The following NHSL1 variants were observed in gnomAD, a reference collection of about 807,000 sequenced individuals.
NHSL1 encodes NHS-like protein 1.
Under a neutral mutation model 95.0 loss-of-function variants are expected in NHSL1, and 48 were observed. The observed-to-expected ratio is 0.51, with a 90% confidence interval of 0.40 to 0.64. NHSL1 has a LOEUF of 0.64. NHSL1 is among the 30% of genes least tolerant of loss of function. The pLI is 0.00. For synonymous variants in NHSL1, 783 were observed against 833.9 expected (o/e 0.94, Z 1.05); for missense variants, 1,971 against 2,077.7 (o/e 0.95, Z 1.00).
upstream of NHSL1, among the ~76,000 whole-genome samples, chr6:138,575,295 G>A (rs756507692): frequency 3.3e-5 from 5 of 152,164 alleles, no homozygotes; most frequent in Non-Finnish European, 7.3e-5. Context: ...AGGTGAATTG[G>A]TATCATTAGT....
chr6:138,506,679 G>T (rs894489614), intron 1 of NHSL1, among the ~76,000 whole-genome samples: 5 of 152,104 alleles, frequency 3.3e-5, no homozygotes, highest in Non-Finnish European at 7.4e-5. Context: ...ATTATCTAAG[G>T]TCATAGAATA....
rs1189763988 is a variant in NHSL1 at position 138,432,232 on chromosome 6, GGA to G, written c.2111_2112del (p.Leu704ProfsTer23). On this transcript the variant is annotated frameshift_variant, in exon 6 of 8. Coordinates refer to ENST00000343505, the MANE Select transcript of NHSL1 (RefSeq NM_001144060.2). LOFTEE classifies it high-confidence loss of function. The surrounding 1 kb of genome is among the most constrained non-coding windows in gnomAD (Gnocchi z 4.4). Reference protein sequence around the residue: ...QVLNESLIATLQHSLQLSLPG... With the variant: ...QVLNESLIATXQHSLQLSLPG... ...GGGAGGCTCAGCTGCAGCGAGTGCT[GGA>G]GTGTGGCGATCAGGCTCTCGTTGAG... 6.5e-7 allele frequency: 1 copy of G among 1,548,922 alleles called. No individual in the cohort carries two copies. Among genetic ancestry groups the G allele is most frequent in the Non-Finnish European group, 8.7e-7 (1 of 1,145,506 alleles).
At chr6:138,569,108 G>T (rs1783723696) in intron 1 of NHSL1, among the ~76,000 whole-genome samples, 1 of 152,198 alleles carries the variant, frequency 6.6e-6, no homozygotes. Flanking sequence ...CTGCTGGAGG[G>T]GAGGGAGAAC....
At chr6:138,450,319 C>T (rs1777146753) in intron 3 of NHSL1, among the ~76,000 whole-genome samples, 1 of 152,190 alleles carries the variant, frequency 6.6e-6, no homozygotes, top group African/African-American at 2.4e-5. Flanking sequence ...TTTCCTGATA[C>T]ATACACATAA....
intron 3 of NHSL1, among the ~76,000 whole-genome samples, chr6:138,448,192 T>C (rs982011663): frequency 2.0e-5 from 3 of 152,210 alleles, no homozygotes; most frequent in African/African-American, 7.2e-5. Flanking sequence ...GAAAGTTGTG[T>C]TGGCGAGCAT....
intron 1 of NHSL1, among the ~76,000 whole-genome samples, chr6:138,608,003 C>A (rs536190995): frequency 1.7e-4 from 26 of 152,350 alleles, no homozygotes; most frequent in African/African-American, 6.3e-4. Flanking sequence ...TCCTAGGATG[C>A]TAACCTTCAA....
At chr6:138,543,154 C>A (rs996146547) in intron 1 of NHSL1, among the ~76,000 whole-genome samples, 2 of 152,066 alleles carry the variant, frequency 1.3e-5, no homozygotes, top group Admixed American at 1.3e-4. Flanking sequence ...ATTTGATTAG[C>A]CATAATTCAC....
Position 138,473,344 on chromosome 6 carries a change from C to T in NHSL1, c.301G>A (p.Asp101Asn). Residue 101 changes from aspartate (D) to asparagine (N), a missense_variant, in exon 3 of 8, where the codon GAT becomes AAT. Asp to Asn is a conservative substitution (Grantham distance 23, BLOSUM62 1). Coordinates refer to ENST00000343505, the MANE Select transcript of NHSL1 (RefSeq NM_001144060.2). ...TCTTCATCTTCATCTTGGTAATCAT[C>T]ACAGAATGGGCTGGCGTTGGCCGCA... ...TFAANASPFCDDYQDEDEETD... is the reference protein window; with the variant it reads ...TFAANASPFCNDYQDEDEETD... 1.9e-6 allele frequency: 3 copies of T among 1,547,960 alleles called. No individual in the cohort carries two copies. The highest frequency in any genetic ancestry group is 1.4e-5 in the African/African-American group (1 of 73,024).
intron 1 of NHSL1, among the ~76,000 whole-genome samples, chr6:138,507,615 G>C (rs1781025523): frequency 6.6e-6 from 1 of 152,094 alleles, no homozygotes; most frequent in Non-Finnish European, 1.5e-5. Context: ...ACATTTAAAA[G>C]GTAATGCAGA....
chr6:138,447,267 T>C, intron 3 of NHSL1, 74 bp from the exon 4 acceptor site: 2 of 1,295,320 alleles, frequency 1.5e-6, no homozygotes, highest in Non-Finnish European at 2.1e-6. Context: ...TATTTCTTAT[T>C]TTTAAAAAAA....
At position 138,432,244 on chromosome 6, in the gene NHSL1, T is replaced by C; in HGVS notation, c.2101A>G (p.Ile701Val). The C allele has an allele frequency of 6.5e-7, 1 of 1,549,442 alleles. No homozygotes were observed. Among genetic ancestry groups the C allele is most frequent in the South Asian group, 1.2e-5 (1 of 83,894 alleles). Residue 701 changes from isoleucine to valine, a missense_variant, in exon 6 of 8, where the codon ATC (isoleucine) becomes GTC (valine). Transcript: ENST00000343505. This position sits in a 1 kb window ranked among gnomAD's most constrained non-coding sequence, Gnocchi z 4.4. ...TGCAGCGAGTGCTGGAGTGTGGCGATCAGGCTCTCGTTGAGCACCTGCCCG... is the reference window on the plus strand; with the variant it reads ...TGCAGCGAGTGCTGGAGTGTGGCGACCAGGCTCTCGTTGAGCACCTGCCCG... ...CNGQVLNESLIATLQHSLQLS... is the reference protein window; with the variant it reads ...CNGQVLNESLVATLQHSLQLS...
intron 1 of NHSL1, among the ~76,000 whole-genome samples, chr6:138,633,686 ACTT>A (rs1246400055): frequency 6.6e-6 from 1 of 152,208 alleles, no homozygotes; most frequent in African/African-American, 2.4e-5. Context: ...TAAAGGGAAA[ACTT>A]CAATCAGAAG....
intron 1 of NHSL1, 126 bp downstream of exon 1, chr6:138,499,107 G>A (rs1355616502): frequency 1.5e-6 from 1 of 650,348 alleles, no homozygotes; most frequent in African/African-American, 1.9e-5. Flanking sequence ...TCACACAAAA[G>A]AACGAAGGAC....
chr6:138,688,155 T>C (rs1785611669), intron 1 of NHSL1, among the ~76,000 whole-genome samples: 1 of 152,142 alleles, frequency 6.6e-6, no homozygotes, highest in African/African-American at 2.4e-5. Context: ...TTTCGCCATG[T>C]TGGCCAGGCT....
chr6:138,600,127 G>A (rs1410229614), intron 1 of NHSL1, among the ~76,000 whole-genome samples: 1 of 151,876 alleles, frequency 6.6e-6, no homozygotes, highest in Admixed American at 6.5e-5. Flanking sequence ...CTGGGCAACA[G>A]AGCAAGACTC....
At chr6:138,586,784 A>G (rs556614752) in intron 1 of NHSL1, among the ~76,000 whole-genome samples, 1 of 152,300 alleles carries the variant, frequency 6.6e-6, no homozygotes, top group Admixed American at 6.5e-5. Context: ...GGCTTGGGAC[A>G]CTGTGAGTAC....
chr6:138,642,722 T>C (rs931954457), intron 1 of NHSL1, among the ~76,000 whole-genome samples: 5 of 152,028 alleles, frequency 3.3e-5, no homozygotes, highest in Non-Finnish European at 7.4e-5. Flanking sequence ...ATGTAAAGAC[T>C]AGAACAGCAG....
intron 1 of NHSL1, among the ~76,000 whole-genome samples, chr6:138,631,240 G>A (rs1023242876): frequency 3.9e-5 from 6 of 152,168 alleles, no homozygotes; most frequent in Admixed American, 6.5e-5. Context: ...TCACCACCAC[G>A]AGCTAAAGTG....
At chr6:138,555,726 C>T (rs1160242292) in intron 1 of NHSL1, among the ~76,000 whole-genome samples, 3 of 152,288 alleles carry the variant, frequency 2.0e-5, no homozygotes, top group East Asian at 1.9e-4. Flanking sequence ...CTGTGTGATA[C>T]AGAGTGACTC....
Sources: allele counts gnomAD v4.1 joint callset (sites outside exome capture counted in the v4.1 genomes callset), GRCh38; gene constraint gnomAD v4.1.1; non-coding constraint Gnocchi (gnomAD v3.1); transcripts MANE v1.5; gene names NCBI Gene and HGNC (gene_info 2026-07-23, HGNC 2026-07-21).